The following SRI variants were observed in gnomAD, a reference collection of about 807,000 sequenced individuals.
SRI encodes the protein 22 kDa protein.
Under a neutral mutation model 33.3 loss-of-function variants are expected in SRI, and 30 were observed. That is an observed-to-expected ratio of 0.90 (90% CI 0.67 to 1.22). SRI has a LOEUF of 1.22. Ranked by LOEUF, SRI falls within the 50% of genes most tolerant of loss-of-function variation. SRI has a pLI of 0.00. For synonymous variants in SRI, 75 were observed against 89.9 expected (o/e 0.83, Z 0.94); for missense variants, 243 against 250.8 (o/e 0.97, Z 0.21).
chr7:88,219,211 T>G (rs1851815999), intron 1 of SRI: 1 of 442,420 alleles, frequency 2.3e-6, no homozygotes, highest in East Asian at 4.8e-5. Flanking sequence ...CCTATTAACC[T>G]GAAGGTTACT....
chr7:88,221,799 T>C (rs1236420594), upstream of SRI, among the ~76,000 whole-genome samples: 1 of 150,938 alleles, frequency 6.6e-6, no homozygotes, highest in Non-Finnish European at 1.5e-5. Flanking sequence ...TAACTCGTCA[T>C]CTAGCATTAG....
upstream of SRI, among the ~76,000 whole-genome samples, chr7:88,223,053 G>GTTC (rs1851925082): frequency 6.6e-6 from 1 of 152,028 alleles, no homozygotes; most frequent in Non-Finnish European, 1.5e-5. Flanking sequence ...TACCATCAGA[G>GTTC]TGAACAGGCA....
At chr7:88,218,982 C>G (rs562947449) in intron 1 of SRI, 40 bp from the exon 2 acceptor site, 2 of 1,586,954 alleles carry the variant, frequency 1.3e-6, no homozygotes, top group African/African-American at 2.7e-5. Context: ...TCTGCCGAAT[C>G]AAGTTTTCTT....
At chr7:88,223,018 A>G (rs942288306), upstream of SRI, among the ~76,000 whole-genome samples, 1 of 152,104 alleles carries the variant, frequency 6.6e-6, no homozygotes, top group Non-Finnish European at 1.5e-5. Flanking sequence ...ATTAAACTAA[A>G]GAGCTTCTGC....
intron 2 of SRI, among the ~76,000 whole-genome samples, chr7:88,218,162 T>G (rs1278079511): frequency 6.6e-6 from 1 of 152,232 alleles, no homozygotes; most frequent in Non-Finnish European, 1.5e-5. Context: ...GTATATTTAC[T>G]GCACACAGTG....
chr7:88,208,382 C>A, intron 7 of SRI, 125 bp downstream of exon 7: 1 of 1,444,670 alleles, frequency 6.9e-7, no homozygotes. Flanking sequence ...CTCTTTCTAA[C>A]TTTTGAATCC....
chr7:88,218,700 T>C (rs1851795049), intron 2 of SRI, 159 bp downstream of exon 2: 3 of 636,858 alleles, frequency 4.7e-6, no homozygotes, highest in Non-Finnish European at 5.5e-6. Context: ...TTCTGAACAT[T>C]CAGAAATAAA....
intron 7 of SRI, 96 bp from the exon 8 acceptor site, chr7:88,206,600 C>G: frequency 7.1e-7 from 1 of 1,401,396 alleles, no homozygotes; most frequent in Non-Finnish European, 1.0e-6. Flanking sequence ...AATTTGAACA[C>G]GGGTAAAACA....
At position 88,217,149 on chromosome 7, in the gene SRI, G is replaced by A; in HGVS notation, c.178C>T (p.Gln60Ter). ...TTGTATCCTCCAGCAATGCCAGACT[G>A]TGTCAGACATCTCTGCAATTCATCA... The part of the protein sequence containing the change: ...DADELQRCLT[Q>*]SGIAGGYKPF... The change falls in exon 3 of 8, where the codon CAG becomes TAG. Residue 60 changes from glutamine (Q) to a stop codon, truncating the protein, a stop_gained. Transcript: ENST00000265729. LOFTEE classifies it high-confidence loss of function. The A allele has an allele frequency of 1.2e-6, 2 of 1,613,356 alleles. No homozygotes were observed. Among genetic ancestry groups the A allele is most frequent in the South Asian group, 2.2e-5 (2 of 91,050 alleles).
intron 1 of SRI, chr7:88,219,294 T>C (rs1253456851): frequency 3.0e-6 from 1 of 332,170 alleles, no homozygotes; most frequent in African/African-American, 2.1e-5. Context: ...ACAGCATTTA[T>C]GGTATTTTAA....
In SRI at chr7:88,208,565, T is replaced by C. The variant is rs1374378403; in HGVS notation, c.512A>G (p.Asp171Gly). 1.2e-6 allele frequency: 2 copies of C among 1,613,784 alleles called. No homozygotes were observed. The highest frequency in any genetic ancestry group is 1.7e-6 in the Non-Finnish European group (2 of 1,179,870). ...ACCVKLRALT[D>G]SFRRRDTAQQ... is the part of the protein sequence containing the mutation. ...AGCAGTATCCCGTCTTCGAAAGCTG[T>C]CTGTAAAACAACACAGTAAAATTTA... The change falls in exon 7 of 8, where the codon GAC becomes GGC. Residue 171 changes from aspartate to glycine, a missense_variant and splice_region_variant. By Grantham distance (94) the Asp-to-Gly change is moderately conservative. Transcript: ENST00000265729.
intron 2 of SRI, 67 bp from the exon 3 acceptor site, chr7:88,217,258 TC>T (rs1851750938): frequency 7.9e-7 from 1 of 1,263,304 alleles, no homozygotes; most frequent in African/African-American, 1.5e-5. Context: ...CCTTCAGCAT[TC>T]AATGAAGCAA....
chr7:88,212,910 C>T (rs766632420), intron 3 of SRI, among the ~76,000 whole-genome samples: 5 of 152,146 alleles, frequency 3.3e-5, no homozygotes, highest in Non-Finnish European at 5.9e-5. Flanking sequence ...CTGCTCTGGA[C>T]GGCCTGACAA....
chr7:88,224,258 A>G (rs1161978943), upstream of SRI, among the ~76,000 whole-genome samples: 1 of 152,228 alleles, frequency 6.6e-6, no homozygotes, highest in Admixed American at 6.5e-5. Context: ...CAGTGTGGAC[A>G]CTTTCTTATT....
In SRI at chr7:88,210,057, T is replaced by C. The variant is rs1851536738; in HGVS notation, c.323A>G (p.His108Arg). 1.2e-6 allele frequency: 2 copies of C among 1,614,066 alleles called. No individual in the cohort carries two copies. The highest frequency in any genetic ancestry group is 2.2e-5 in the East Asian group (1 of 44,888). The change falls in exon 5 of 8, where the codon CAC becomes CGC. Residue 108 changes from histidine to arginine, a missense_variant. Coordinates refer to ENST00000265729, the MANE Select transcript of SRI (RefSeq NM_003130.4). Reference sequence around the variant, plus strand: ...CCTGTCAGTGTCAAAACTGATAAAGTGTTGTCTCCAGCCATTCAGTACAGC... The same window carrying C: ...CCTGTCAGTGTCAAAACTGATAAAGCGTTGTCTCCAGCCATTCAGTACAGC... The part of the protein sequence containing the change: ...LWAVLNGWRQ[H>R]FISFDTDRSG...
At chr7:88,213,397 G>T (rs1851628017) in intron 3 of SRI, among the ~76,000 whole-genome samples, 2 of 152,178 alleles carry the variant, frequency 1.3e-5, no homozygotes. Flanking sequence ...TCTTCATGGA[G>T]AATTTCTCAA....
chr7:88,224,807 T>C (rs185352432), upstream of SRI, among the ~76,000 whole-genome samples: 5 of 152,218 alleles, frequency 3.3e-5, no homozygotes, highest in Non-Finnish European at 7.3e-5. Context: ...TGGTAATGAA[T>C]CATCAACCAC....
rs903722858 is a variant in SRI, at chr7:88,208,517, G to T, written c.560C>A (p.Pro187Gln). 6.2e-7 allele frequency: 1 copy of T among 1,613,682 alleles called. No homozygotes were observed. The highest frequency in any genetic ancestry group is 1.3e-5 in the African/African-American group (1 of 74,884). ...ATTTCTAAGACTTACATCATCATAT[G>T]GGAAATTCACAACACCTTGCTGAGC... ...DTAQQGVVNF[P>Q]YDDFIQCVMS... Residue 187 changes from proline to glutamine, a missense_variant, in exon 7 of 8, where the codon CCA becomes CAA. Physicochemically the swap from Pro to Gln is moderately conservative, Grantham distance 76 (BLOSUM62 -1). Transcript: ENST00000265729.
Position 88,209,438 on chromosome 7 carries a change from G to A in SRI, c.412C>T (p.Pro138Ser). The A allele has an allele frequency of 6.2e-7, 1 of 1,613,792 alleles. No homozygotes were observed. Among genetic ancestry groups the A allele is most frequent in the Non-Finnish European group, 8.5e-7 (1 of 1,179,736 alleles). The change falls in exon 6 of 8, where the codon CCC (proline) becomes TCC (serine). Residue 138 changes from proline (P) to serine (S), a missense_variant. Transcript: ENST00000265729. ...ALTTMGFRLS[P>S]QAVNSIAKRY... is the part of the protein sequence containing the mutation. ...TTTGCAATTGAATTCACAGCCTGGG[G>A]ACTCAACCTAAATCCTAAAAGAAAA...
Sources: gnomAD v4.1 joint callset for allele counts (sites outside exome capture counted in the v4.1 genomes callset) on GRCh38, gnomAD v4.1.1 for gene constraint, MANE v1.5 for transcripts, NCBI Gene and HGNC (gene_info 2026-07-23, HGNC 2026-07-21) for gene names.